XPNPEP2: variants seen among roughly 807,000 people sequenced by gnomAD.
XPNPEP2 encodes the protein X-prolyl aminopeptidase 2.
A neutral mutation model predicts 59.8 loss-of-function variants in XPNPEP2; 64 were observed. That is an observed-to-expected ratio of 1.07 (90% CI 0.87 to 1.32). The LOEUF (loss-of-function observed/expected upper bound fraction) is 1.32, where lower values mean the gene tolerates loss of function less well. Among genes scored for constraint, XPNPEP2 ranks in the 40% most tolerant of loss-of-function variants. The pLI is 0.00. For synonymous variants in XPNPEP2, 235 were observed against 210.0 expected, an observed-to-expected ratio of 1.12 and a Z score of -1.03; for missense variants, 575 against 546.8, an observed-to-expected ratio of 1.05 and a Z score of -0.51.
chrX:129,754,909 A>T (rs1332825150), intron 12 of XPNPEP2, among the ~76,000 whole-genome samples: 1 of 111,578 alleles, frequency 9.0e-6, no homozygotes, highest in Admixed American at 9.4e-5. Context: ...CCCCTGGACC[A>T]CTTGAGAATA....
At chrX:129,756,996 C>CTA (rs61273791) in intron 14 of XPNPEP2, among the ~76,000 whole-genome samples, 4,788 of 70,178 alleles carry the variant, frequency 0.068, 154 homozygotes, top group Middle Eastern at 0.12. Flanking sequence ...CCATGCCCAG[C>CTA]TATATATATA....
intron 15 of XPNPEP2, among the ~76,000 whole-genome samples, chrX:129,759,616 T>G (rs859581): frequency 0.39 from 43,153 of 111,626 alleles, 6,708 homozygotes; most frequent in African/African-American, 0.61. Context: ...TCAGGAAACA[T>G]CGAGGGCTGG....
intron 1 of XPNPEP2, among the ~76,000 whole-genome samples, chrX:129,739,697 C>G (rs1368401318): frequency 9.0e-6 from 1 of 111,675 alleles, no homozygotes; most frequent in African/African-American, 3.3e-5. Context: ...TTCTTGCTGA[C>G]GGCAGGCCAG....
At chrX:129,756,996 CTATATATATA>C (rs61273791) in intron 14 of XPNPEP2, among the ~76,000 whole-genome samples, 5 of 70,421 alleles carry the variant, frequency 7.1e-5, no homozygotes, top group Non-Finnish European at 8.0e-5. Flanking sequence ...CCATGCCCAG[CTATATATATA>C]TATATATATA....
intron 3 of XPNPEP2, 65 bp downstream of exon 3, chrX:129,744,136 G>C: frequency 9.9e-7 from 1 of 1,011,857 alleles, no homozygotes; most frequent in South Asian, 2.0e-5. Flanking sequence ...ACAAACAGGA[G>C]CTGTTAAAAC....
chrX:129,756,658 G>A (rs745580270), intron 14 of XPNPEP2, 103 bp downstream of exon 14: 277 of 857,945 alleles, frequency 3.2e-4, no homozygotes, highest in Non-Finnish European at 3.5e-4. Context: ...CGGATTCTTC[G>A]TCTGAAAAAG....
chrX:129,760,371 C>A, intron 15 of XPNPEP2, 141 bp from the exon 16 acceptor site: 1 of 597,778 alleles, frequency 1.7e-6, no homozygotes, highest in Non-Finnish European at 2.6e-6. Context: ...CGGGCAGCCA[C>A]ACATAACGAT....
At chrX:129,763,306 C>T (rs188954779) in intron 19 of XPNPEP2, among the ~76,000 whole-genome samples, 1 of 112,540 alleles carries the variant, frequency 8.9e-6, no homozygotes, top group Admixed American at 9.4e-5. Context: ...ACTTTTGTAA[C>T]TTCACAAAAT....
intron 14 of XPNPEP2, among the ~76,000 whole-genome samples, chrX:129,758,165 A>G (rs188048633): frequency 1.8e-5 from 2 of 111,758 alleles, no homozygotes; most frequent in Non-Finnish European, 3.8e-5. Context: ...CTAACGACAG[A>G]GGCTCTTTGC....
At chrX:129,767,489 G>A (rs1926771711) in intron 19 of XPNPEP2, 114 bp from the exon 20 acceptor site, 2 of 754,942 alleles carry the variant, frequency 2.6e-6, no homozygotes, top group East Asian at 6.5e-5. Context: ...GTCCAGGGTT[G>A]ATGAGGCCCA....
intron 8 of XPNPEP2, among the ~76,000 whole-genome samples, chrX:129,750,814 G>A (rs1319435303): frequency 8.9e-6 from 1 of 112,315 alleles, no homozygotes; most frequent in Non-Finnish European, 1.9e-5. Context: ...CCAGAGGAAC[G>A]AACTGACTAT....
Position 129,742,846 on chromosome X carries a change from G to A in XPNPEP2, c.123+665G>A, listed in dbSNP as rs764442357. On this transcript the variant is annotated intron_variant, in intron 2 of 20. Transcript: ENST00000371106. ...GAACCCAGGAAGCAGAGGTTGCAGT[G>A]AGCCAAGATTGTGCCACTGCACTCC... Among the ~76,000 whole-genome samples, 8 of 112,231 alleles carry A rather than the reference G, an allele frequency of 7.1e-5. No individual in the cohort carries two copies. The South Asian group carries it at 2.2e-3, about 31-fold the overall frequency.
intron 19 of XPNPEP2, among the ~76,000 whole-genome samples, chrX:129,765,635 C>CTTTTTTTTTTTTTTTTT (rs56014067): frequency 4.5e-5 from 3 of 67,342 alleles, no homozygotes; most frequent in African/African-American, 6.0e-5. Flanking sequence ...TTCTTTCTTT[C>CTTTTTTTTTTTTTTTTT]TTTTTTTTTT....
intron 10 of XPNPEP2, 118 bp from the exon 11 acceptor site, chrX:129,753,041 C>A: frequency 1.8e-6 from 1 of 561,040 alleles, no homozygotes; most frequent in Non-Finnish European, 3.1e-6. Flanking sequence ...GCAAATCTCA[C>A]GTCTGCTGGG....
intron 7 of XPNPEP2, among the ~76,000 whole-genome samples, chrX:129,749,696 G>A (rs1361667726): frequency 8.8e-6 from 1 of 113,036 alleles, no homozygotes; most frequent in South Asian, 3.5e-4. Context: ...CCAGATATAA[G>A]CATCTGAGAA....
Position 129,752,194 on chromosome X carries a change from A to C in XPNPEP2, c.866A>C (p.Tyr289Ser), listed in dbSNP as rs1445644871. ...CGCTTTAGCTCCGAAACCTTGAGCT[A>C]TCTGAACTCCAGTTGCACAGGCCCC... is the stretch of plus-strand genomic sequence containing the variant. Reference protein sequence around the residue: ...KSRFSSETLSYLNSSCTGPMC... With the variant: ...KSRFSSETLSSLNSSCTGPMC... Residue 289 changes from tyrosine (Y) to serine (S), a missense_variant, in exon 10 of 21, where the codon TAT becomes TCT. Physicochemically the swap from Tyr to Ser is moderately radical, Grantham distance 144. Coordinates refer to ENST00000371106, the MANE Select transcript of XPNPEP2 (RefSeq NM_003399.6). The C allele has an allele frequency of 8.3e-7, 1 of 1,212,014 alleles. No individual in the cohort carries two copies. The highest frequency in any genetic ancestry group is 1.7e-5 in the African/African-American group (1 of 57,870).
At chrX:129,760,387 T>TC (rs1316230595) in intron 15 of XPNPEP2, 125 bp from the exon 16 acceptor site, 4 of 688,217 alleles carry the variant, frequency 5.8e-6, no homozygotes, top group South Asian at 3.1e-5. Flanking sequence ...ACGATGAGAC[T>TC]CCCCCCACCC....
In XPNPEP2 at chrX:129,751,110, C is replaced by G. The variant is rs868601659; in HGVS notation, c.739+541C>G. Among the ~76,000 whole-genome samples the G allele has an allele frequency of 8.4e-3, 714 of 85,014 alleles. 18 individuals are homozygous for G. The highest frequency in any genetic ancestry group is 0.021 in the South Asian group (25 of 1,218). The allele number at this position is 85,014 out of a possible 115,157, so 73.8% of individuals were successfully genotyped here. The stretch of plus-strand genomic sequence containing the variant: ...CAAAGACGCCCACTCCCCCACCCCC[C>G]CCCCCCGGCAAAAAGATTGAGTAAC... On this transcript the variant is annotated intron_variant, in intron 8 of 20. Transcript: ENST00000371106.
In XPNPEP2 at chrX:129,747,709, C is replaced by A. The variant is rs191887278; in HGVS notation, c.593C>A (p.Pro198Gln). ...CTGGTATGGGGATCAGAGAGGCCAC[C>A]GGTTCCAAATCAACCCATTTATGCC... is the stretch of plus-strand genomic sequence containing the variant. ...VDLVWGSERP[P>Q]VPNQPIYALQ... The change falls in exon 7 of 21, where the codon CCG (proline) becomes CAG (glutamine). Residue 198 changes from proline (P) to glutamine (Q), a missense_variant. By Grantham distance (76) the Pro-to-Gln change is moderately conservative. Transcript: ENST00000371106. The A allele has an allele frequency of 8.3e-7, 1 of 1,211,951 alleles. No homozygotes were observed. Among genetic ancestry groups the A allele is most frequent in the Non-Finnish European group, 1.1e-6 (1 of 895,588 alleles).
Sources: allele counts gnomAD v4.1 joint callset (sites outside exome capture counted in the v4.1 genomes callset), GRCh38; gene constraint gnomAD v4.1.1; transcripts MANE v1.5; gene names NCBI Gene and HGNC (gene_info 2026-07-23, HGNC 2026-07-21).